NRDC: variants seen among roughly 807,000 people sequenced by gnomAD.
The protein encoded by NRDC is nardilysin convertase.
Under a neutral mutation model 147.1 loss-of-function variants are expected in NRDC, and 54 were observed. The ratio of observed to expected loss-of-function variants is 0.37; its 90% CI spans 0.29 to 0.46. The LOEUF is 0.46. Among genes scored for constraint, NRDC ranks in the 20% least tolerant of loss-of-function variants. The pLI, the probability that NRDC is intolerant of heterozygous loss-of-function variation, is 1.00. For synonymous variants in NRDC, 440 were observed against 482.1 expected (o/e 0.91, Z 1.14); for missense variants, 1,082 against 1,370.6 (o/e 0.79, Z 3.33).
At chr1:51,835,556 T>C (rs1330638407) in intron 3 of NRDC, among the ~76,000 whole-genome samples, 7 of 141,908 alleles carry the variant, frequency 4.9e-5, no homozygotes, top group African/African-American at 1.8e-4. Flanking sequence ...AACCTCTACC[T>C]CCCAGGTTCA....
In NRDC at chr1:51,878,688, G is replaced by T. The variant is rs1043622588; in HGVS notation, c.-73C>A. Reference sequence around the variant, plus strand: ...TCCTCCGCGTTCTAGAGGCGGTGGCGGCCGGCCCTGGTGCTGCCGCAGCCG... The same window carrying T: ...TCCTCCGCGTTCTAGAGGCGGTGGCTGCCGGCCCTGGTGCTGCCGCAGCCG... On this transcript the variant is annotated 5_prime_UTR_variant, in exon 1 of 31. Coordinates refer to ENST00000352171, the MANE Select transcript of NRDC (RefSeq NM_001101662.2). 1.2e-5 allele frequency: 16 copies of T among 1,366,292 alleles called. No homozygotes were observed. The African/African-American group carries it at 1.7e-4, about 15-fold the overall frequency. The allele number at this position is 1,366,292 out of a possible 1,614,324, so 84.6% of individuals were successfully genotyped here. A position where few individuals can be genotyped will look rare whatever the true frequency, so the allele number is the denominator to read the frequency against.
In NRDC at chr1:51,878,416, G is replaced by A. The variant is rs1334698840; in HGVS notation, c.200C>T (p.Pro67Leu). Residue 67 changes from proline (P) to leucine (L), a missense_variant, in exon 1 of 31, where the codon CCC becomes CTC. Around this residue, in one of 3 missense-constraint regions of NRDC, gnomAD observed 260 missense variants for 253.2 expected, o/e 1.03. Transcript: ENST00000352171. ...KSTCSCPDLQ[P>L]NGQDLGENSR... is the part of the protein sequence containing the mutation. The stretch of plus-strand genomic sequence containing the variant: ...GTTCTCGCCCAGATCCTGTCCATTG[G>A]GCTGCAGGTCAGGGCAGCTGCAGGT... 1.2e-6 allele frequency: 2 copies of A among 1,613,976 alleles called. No homozygotes were observed. Among genetic ancestry groups the A allele is most frequent in the African/African-American group, 2.7e-5 (2 of 74,902 alleles).
chr1:51,792,355 A>G (rs762220582), intron 25 of NRDC, 22 bp downstream of exon 25: 2 of 1,613,354 alleles, frequency 1.2e-6, no homozygotes, highest in Non-Finnish European at 1.7e-6. Context: ...TGAAAACCTC[A>G]GCATCTCCTT....
At chr1:51,818,441 T>C (rs1001369071) in intron 9 of NRDC, among the ~76,000 whole-genome samples, 7 of 152,208 alleles carry the variant, frequency 4.6e-5, no homozygotes, top group African/African-American at 1.7e-4. Flanking sequence ...GACCCATGGC[T>C]GAAATTCAGT....
chr1:51,867,305 G>T (rs995397472), intron 1 of NRDC, among the ~76,000 whole-genome samples: 3 of 152,132 alleles, frequency 2.0e-5, no homozygotes, highest in Admixed American at 2.0e-4. Context: ...GGCGATATAA[G>T]CAGTAAACAA....
rs545273053 is a variant in NRDC, at chr1:51,848,250, C to T, written c.342-7736G>A. ...CAGCACTTTGAGAGGCCAAGGCGGG[C>T]GGATCACAAGGTCAGAATATCAAGA... On this transcript the variant is annotated intron_variant, in intron 1 of 30. Coordinates refer to ENST00000352171, the MANE Select transcript of NRDC (RefSeq NM_001101662.2). 1.1e-4 allele frequency among the ~76,000 whole-genome samples: 17 copies of T among 152,224 alleles called. No individual in the cohort carries two copies. In the South Asian group the frequency reaches 2.7e-3, roughly 24 times the overall value.
chr1:51,842,209 T>G (rs1011451360), intron 1 of NRDC, among the ~76,000 whole-genome samples: 7 of 150,262 alleles, frequency 4.7e-5, no homozygotes, highest in Admixed American at 6.6e-5. Flanking sequence ...TAATCACATT[T>G]AAGTGATAGA....
chr1:51,847,140 G>GAC (rs1681674022), intron 1 of NRDC, among the ~76,000 whole-genome samples: 1 of 152,230 alleles, frequency 6.6e-6, no homozygotes, highest in South Asian at 2.1e-4. Flanking sequence ...CCTTGAGCTA[G>GAC]ACACAGAGTG....
intron 1 of NRDC, among the ~76,000 whole-genome samples, chr1:51,867,400 T>C (rs554319629): frequency 1.6e-4 from 24 of 151,722 alleles, no homozygotes; most frequent in African/African-American, 5.6e-4. Context: ...TGACAATAAG[T>C]GCTATAAAAA....
chr1:51,795,390 G>T, intron 22 of NRDC: 1 of 292,840 alleles, frequency 3.4e-6, no homozygotes, highest in Non-Finnish European at 6.4e-6. Flanking sequence ...CCCTTGCCTG[G>T]TACTTCAACG....
At chr1:51,806,629 T>G (rs1679476267) in intron 18 of NRDC, among the ~76,000 whole-genome samples, 165 bp downstream of exon 18, 1 of 152,188 alleles carries the variant, frequency 6.6e-6, no homozygotes, top group Non-Finnish European at 1.5e-5. Context: ...TTTTACTCCT[T>G]TTAGGGAGGG....
At chr1:51,866,693 C>CA (rs77465646) in intron 1 of NRDC, among the ~76,000 whole-genome samples, 4,453 of 132,372 alleles carry the variant, frequency 0.034, 202 homozygotes, top group African/African-American at 0.11. Flanking sequence ...AATGTTAAAC[C>CA]AAAAAAAAAA....
intron 5 of NRDC, among the ~76,000 whole-genome samples, chr1:51,827,577 A>G (rs575450275): frequency 2.2e-4 from 34 of 152,342 alleles, no homozygotes; most frequent in African/African-American, 6.7e-4. Flanking sequence ...TTCGAAAAAC[A>G]AAGGATGAAA....
At chr1:51,817,391 C>CT (rs1282810541) in intron 10 of NRDC, among the ~76,000 whole-genome samples, 1 of 149,500 alleles carries the variant, frequency 6.7e-6, no homozygotes, top group Non-Finnish European at 1.5e-5. Context: ...TTGACTGATC[C>CT]TTAACTTAAA....
rs185867774 is a variant in NRDC, at chr1:51,804,352, G to A, written c.2163-388C>T. ...GTGAATATTAACAAATTCTAGTGCT[G>A]CTTGTCATTTTAAGTTTGGATTTTA... is the stretch of plus-strand genomic sequence containing the variant. On this transcript the variant is annotated intron_variant, in intron 19 of 30. Coordinates refer to ENST00000352171, the MANE Select transcript of NRDC (RefSeq NM_001101662.2). Among the ~76,000 whole-genome samples, 10 of 152,228 alleles carry A rather than the reference G, an allele frequency of 6.6e-5. No individual in the cohort carries two copies. The East Asian group carries it at 1.6e-3, about 24-fold the overall frequency.
chr1:51,834,891 T>G (rs891538260), intron 3 of NRDC, among the ~76,000 whole-genome samples: 1 of 152,130 alleles, frequency 6.6e-6, no homozygotes, highest in Non-Finnish European at 1.5e-5. Context: ...GATTAAAATT[T>G]AAGCACAAAC....
intron 22 of NRDC, 101 bp downstream of exon 22, chr1:51,798,148 T>TG: frequency 8.3e-7 from 1 of 1,205,290 alleles, no homozygotes; most frequent in East Asian, 2.3e-5. Context: ...ATGATAATGC[T>TG]GGCCTGCCAA....
intron 7 of NRDC, among the ~76,000 whole-genome samples, chr1:51,822,313 T>C (rs1680247054): frequency 6.6e-6 from 1 of 152,144 alleles, no homozygotes; most frequent in South Asian, 2.1e-4. Flanking sequence ...TATAGATGTT[T>C]GACTCTTAAA....
chr1:51,844,633 G>A (rs144823221), intron 1 of NRDC, among the ~76,000 whole-genome samples: 1 of 151,710 alleles, frequency 6.6e-6, no homozygotes, highest in Non-Finnish European at 1.5e-5. Flanking sequence ...GTCTGTCTCA[G>A]CTACTCGGGA....
Sources: gnomAD v4.1 joint callset for allele counts (sites outside exome capture counted in the v4.1 genomes callset) on GRCh38, gnomAD v4.1.1 for gene constraint, gnomAD v4.1.1 regional missense constraint, MANE v1.5 for transcripts, NCBI Gene and HGNC (gene_info 2026-07-23, HGNC 2026-07-21) for gene names.